FHIP1B: variants seen among roughly 807,000 people sequenced by gnomAD.
FHIP1B encodes the protein FHF complex subunit HOOK-interacting protein 1B.
In FHIP1B, 28 loss-of-function variants were observed where a neutral mutation model predicts 82.2. The observed-to-expected ratio is 0.34, with a 90% CI of 0.25 to 0.47. FHIP1B has a LOEUF of 0.47. Ranked by LOEUF, FHIP1B falls within the 20% of genes least tolerant of loss-of-function variation. The pLI is 1.00. For missense variants in FHIP1B, 1,110 were observed against 1,262.6 expected, an observed-to-expected ratio of 0.88 and a Z score of 1.83; for synonymous variants, 585 against 516.1, an observed-to-expected ratio of 1.13 and a Z score of -1.81.
chr11:6,234,126 A>G (rs1336708773), intron 1 of FHIP1B, among the ~76,000 whole-genome samples: 1 of 151,982 alleles, frequency 6.6e-6, no homozygotes, highest in African/African-American at 2.4e-5. Flanking sequence ...CCTTTATCCA[A>G]GTCTCACAAG....
chr11:6,222,949 G>A (rs375594878), intron 4 of FHIP1B, 52 bp from the exon 5 acceptor site: 1 of 1,587,466 alleles, frequency 6.3e-7, no homozygotes, highest in East Asian at 2.2e-5. Context: ...CCACTGCCTG[G>A]AAGGGAGTAG....
At chr11:6,222,773 C>G (rs1054909254) in intron 5 of FHIP1B, 38 bp downstream of exon 5, 2 of 1,604,112 alleles carry the variant, frequency 1.2e-6, no homozygotes, top group Non-Finnish European at 1.7e-6. Flanking sequence ...ACCACTGCAG[C>G]TTAGCCCCTT....
intron 9 of FHIP1B, chr11:6,217,144 C>G: frequency 1.4e-6 from 1 of 703,978 alleles, no homozygotes. Context: ...ATACAAGGCT[C>G]AGATGTAAGT....
intron 6 of FHIP1B, 118 bp from the exon 7 acceptor site, chr11:6,219,168 C>G: frequency 1.4e-6 from 1 of 697,410 alleles, no homozygotes; most frequent in Non-Finnish European, 2.6e-6. Flanking sequence ...CCTAGAGGAA[C>G]TCCTAGAGGA....
chr11:6,218,436 A>C (rs1229298581), intron 8 of FHIP1B, 164 bp downstream of exon 8: 1 of 1,114,626 alleles, frequency 9.0e-7, no homozygotes, highest in African/African-American at 1.6e-5. Flanking sequence ...GGTGAGTGTT[A>C]AGGGTCCTCC....
chr11:6,228,263 T>C (rs1007623210), intron 1 of FHIP1B, among the ~76,000 whole-genome samples: 3 of 151,964 alleles, frequency 2.0e-5, no homozygotes, highest in Admixed American at 6.6e-5. Flanking sequence ...GGCAGGAGAA[T>C]CGCTTGAACC....
chr11:6,214,375 G>A (rs778042208), intron 11 of FHIP1B, 36 bp downstream of exon 11: 7 of 1,567,230 alleles, frequency 4.5e-6, no homozygotes, highest in Non-Finnish European at 6.1e-6. Flanking sequence ...GGCTATCTAG[G>A]GAGGGCAGGT....
At chr11:6,212,682 A>G (rs1047328715) in intron 11 of FHIP1B, among the ~76,000 whole-genome samples, 1 of 152,156 alleles carries the variant, frequency 6.6e-6, no homozygotes, top group Non-Finnish European at 1.5e-5. Flanking sequence ...CATAATAACA[A>G]TTCCCATTTC....
chr11:6,227,224 C>A (rs181062447), intron 1 of FHIP1B, among the ~76,000 whole-genome samples: 1 of 152,196 alleles, frequency 6.6e-6, no homozygotes, highest in Non-Finnish European at 1.5e-5. Flanking sequence ...CAGCACTACA[C>A]GAAGTAGCTA....
chr11:6,217,789 A>G lies in FHIP1B; in HGVS notation c.1797T>C (p.Pro599=), dbSNP rs1007912924. ...GSRTKKRSLL[P]EEDRNNVGEG... is the part of the protein sequence containing the mutation. ...CCCCCACGTTGTTCCTGTCCTCCTCAGGCAGTAGGCTGCGTTTCTTAGTCC... is the reference window on the plus strand; with the variant it reads ...CCCCCACGTTGTTCCTGTCCTCCTCGGGCAGTAGGCTGCGTTTCTTAGTCC... The change falls in exon 9 of 12, where the codon CCT becomes CCC. Residue 599 remains proline (P), a synonymous_variant. Coordinates refer to ENST00000449352, the MANE Select transcript of FHIP1B (RefSeq NM_001098794.2). The G allele has an allele frequency of 3.1e-6, 5 of 1,605,078 alleles. No individual in the cohort carries two copies. Among genetic ancestry groups the G allele is most frequent in the Non-Finnish European group, 4.2e-6 (5 of 1,176,960 alleles).
Position 6,223,356 on chromosome 11 carries a change from G to T in FHIP1B, c.778-118C>A. The T allele has an allele frequency of 1.7e-6, 2 of 1,151,616 alleles. No homozygotes were observed. Among genetic ancestry groups the T allele is most frequent in the Non-Finnish European group, 2.4e-6 (2 of 823,144 alleles). The allele number at this position is 1,151,616 out of a possible 1,614,324, so 71.3% of individuals were successfully genotyped here. On this transcript the variant is annotated intron_variant, in intron 3 of 11. Transcript: ENST00000449352. This position sits in a 1 kb window ranked among gnomAD's most constrained non-coding sequence, Gnocchi z 4.8. ...AATAGGGGTATAAGCTATTACCAAA[G>T]CAAGCATTTGCCTACCCAATGTGCC...
At chr11:6,216,040 T>C (rs1002747354) in intron 9 of FHIP1B, among the ~76,000 whole-genome samples, 3 of 151,956 alleles carry the variant, frequency 2.0e-5, no homozygotes, top group Non-Finnish European at 4.4e-5. Context: ...AAAAAAAAAA[T>C]TGAAAAGCTC....
At chr11:6,213,589 G>C (rs930451050) in intron 11 of FHIP1B, among the ~76,000 whole-genome samples, 1 of 152,150 alleles carries the variant, frequency 6.6e-6, no homozygotes, top group Non-Finnish European at 1.5e-5. Context: ...CTGTACTAAA[G>C]ACAATGCCCG....
chr11:6,221,706 T>G (rs1847412814), intron 6 of FHIP1B, among the ~76,000 whole-genome samples: 1 of 152,176 alleles, frequency 6.6e-6, no homozygotes, highest in African/African-American at 2.4e-5. Context: ...TTAACTCCTT[T>G]ATAATCTCTA....
At chr11:6,233,068 C>A (rs1847739814) in intron 1 of FHIP1B, among the ~76,000 whole-genome samples, 1 of 152,188 alleles carries the variant, frequency 6.6e-6, no homozygotes, top group Non-Finnish European at 1.5e-5. Flanking sequence ...AAACTCTGAA[C>A]TGTAAGTTCT....
rs1291691411 is a variant in FHIP1B at position 6,219,633 on chromosome 11, T to C, written c.1192-583A>G. ...CGCAGCTGACAGGAAAAGGAAAAAGTAGGTGGGTCAAGATTAGAGGAAATC... is the reference window on the plus strand; with the variant it reads ...CGCAGCTGACAGGAAAAGGAAAAAGCAGGTGGGTCAAGATTAGAGGAAATC... On this transcript the variant is annotated intron_variant, in intron 6 of 11. Transcript: ENST00000449352. Among the ~76,000 whole-genome samples the C allele has an allele frequency of 2.0e-5, 3 of 152,106 alleles. No individual in the cohort carries two copies. In the East Asian group the frequency reaches 5.8e-4, roughly 29 times the overall value.
chr11:6,217,280 G>C (rs1226626957), intron 9 of FHIP1B, 91 bp downstream of exon 9: 1 of 1,189,622 alleles, frequency 8.4e-7, no homozygotes, highest in East Asian at 2.4e-5. Context: ...ACACAGAAAT[G>C]ACATGGCCAA....
chr11:6,218,646 G>T lies in FHIP1B; in HGVS notation c.1389C>A (p.His463Gln). Residue 463 changes from histidine (H) to glutamine (Q), a missense_variant, in exon 8 of 12, where the codon CAC becomes CAA. Transcript: ENST00000449352. ...FLSLIPRCCR[H>Q]HAPSPPRPEH... ...CTGGACGAGGTGGGCTGGGGGCGTG[G>T]TGCCGACAACAGCGTGGGATTAGGG... 3 of 1,614,162 alleles carry T rather than the reference G, an allele frequency of 1.9e-6. No homozygotes were observed. Among genetic ancestry groups the T allele is most frequent in the Non-Finnish European group, 2.5e-6 (3 of 1,180,028 alleles).
At position 6,224,619 on chromosome 11, in the gene FHIP1B, T is replaced by C. The variant is rs538808322; in HGVS notation, c.-103A>G. 7.2e-6 allele frequency: 9 copies of C among 1,247,442 alleles called. No homozygotes were observed. Among genetic ancestry groups the C allele is most frequent in the Middle Eastern group, 2.8e-4 (1 of 3,550 alleles). 77.3% of individuals were successfully genotyped at this position (1,247,442 alleles called of 1,614,324 possible). ...TCTCCAGTCTGCTTCATCCGGTCTG[T>C]AGGAGCCAGTAGCTGCCCATGGAGC... On this transcript the variant is annotated 5_prime_UTR_variant, in exon 2 of 12. Coordinates refer to ENST00000449352, the MANE Select transcript of FHIP1B (RefSeq NM_001098794.2).
Sources: allele counts gnomAD v4.1 joint callset (sites outside exome capture counted in the v4.1 genomes callset), GRCh38; gene constraint gnomAD v4.1.1; non-coding constraint Gnocchi (gnomAD v3.1); transcripts MANE v1.5; gene names NCBI Gene and HGNC (gene_info 2026-07-23, HGNC 2026-07-21).